The following PHF24 variants were observed in gnomAD, a reference collection of about 807,000 sequenced individuals.
PHF24 encodes the protein PHD finger protein 24.
PHF24 carries 25 observed loss-of-function variants against 42.6 expected under a neutral mutation model. The observed-to-expected ratio is 0.59, with a 90% CI of 0.43 to 0.82. The LOEUF is 0.82. PHF24 is among the 40% of genes least tolerant of loss of function. The pLI is 0.00. For synonymous variants in PHF24, 185 were observed against 204.8 expected (o/e 0.90, Z 0.83); for missense variants, 470 against 538.1 (o/e 0.87, Z 1.25).
the PHF24 span, among the ~76,000 whole-genome samples, chr9:34,851,327 C>T: frequency 1.5e-4 from 23 of 152,200 alleles, no homozygotes; most frequent in Non-Finnish European, 2.8e-4. Context: ...CCCCCAGCCT[C>T]GCTGCCACCT....
the PHF24 span, among the ~76,000 whole-genome samples, chr9:34,923,494 G>C: frequency 6.6e-6 from 1 of 152,044 alleles, no homozygotes; most frequent in Admixed American, 6.6e-5. Context: ...TTATGGCTTT[G>C]ATCTCATTAC....
At chr9:34,769,205 T>C in the PHF24 span, among the ~76,000 whole-genome samples, 2 of 152,174 alleles carry the variant, frequency 1.3e-5, no homozygotes, top group Non-Finnish European at 2.9e-5. Flanking sequence ...CAACTTCGCC[T>C]CCCAGGTTCA....
At chr9:34,668,742 A>C in the PHF24 span, among the ~76,000 whole-genome samples, 1 of 152,348 alleles carries the variant, frequency 6.6e-6, no homozygotes, top group East Asian at 1.9e-4. Flanking sequence ...ATGGGCCTCA[A>C]GATCTTTACC....
chr9:34,913,333 A>T, the PHF24 span, among the ~76,000 whole-genome samples: 1 of 152,208 alleles, frequency 6.6e-6, no homozygotes, highest in Non-Finnish European at 1.5e-5. Flanking sequence ...ACAGATATGA[A>T]ATCTCAGTGA....
At chr9:34,691,544 G>C in the PHF24 span, among the ~76,000 whole-genome samples, 1 of 152,214 alleles carries the variant, frequency 6.6e-6, no homozygotes, top group African/African-American at 2.4e-5. Flanking sequence ...CCCATTGATG[G>C]CATTTGCATC....
chr9:34,811,327 A>C, the PHF24 span, among the ~76,000 whole-genome samples: 1 of 152,208 alleles, frequency 6.6e-6, no homozygotes, highest in Non-Finnish European at 1.5e-5. Flanking sequence ...TTCTCAATGC[A>C]ACCGTGTTGA....
chr9:34,691,075 C>T, the PHF24 span: 9 of 1,598,038 alleles, frequency 5.6e-6, no homozygotes, highest in East Asian at 2.3e-5. Context: ...GACCCTGACT[C>T]TCCCTTCAGC....
chr9:34,858,903 G>T, the PHF24 span, among the ~76,000 whole-genome samples: 2 of 152,108 alleles, frequency 1.3e-5, no homozygotes, highest in Non-Finnish European at 2.9e-5. Flanking sequence ...TTGAACATTT[G>T]AAAATTCAGC....
At chr9:34,981,091 C>G (rs1827374959) in exon 8 of PHF24, 3 of 152,276 alleles carry the variant, frequency 2.0e-5, no homozygotes, top group Admixed American at 2.0e-4. Flanking sequence ...AGGGATGGAG[C>G]AGTCCCCTCA....
At chr9:34,922,350 A>G in the PHF24 span, 7 of 1,554,570 alleles carry the variant, frequency 4.5e-6, no homozygotes, top group South Asian at 4.5e-5. Context: ...TGTCTTTGCA[A>G]GAGAGCAGGC....
the PHF24 span, among the ~76,000 whole-genome samples, chr9:34,779,968 C>T: frequency 1.3e-4 from 20 of 152,048 alleles, no homozygotes; most frequent in Non-Finnish European, 2.2e-4. Flanking sequence ...TCAGGTGATC[C>T]ACCTGCCTCA....
At chr9:34,813,775 T>C in the PHF24 span, among the ~76,000 whole-genome samples, 46 of 152,320 alleles carry the variant, frequency 3.0e-4, no homozygotes, top group African/African-American at 1.0e-3. Context: ...TTTGCCATGT[T>C]CTGTTAATTA....
chr9:34,937,126 G>A, the PHF24 span, among the ~76,000 whole-genome samples: 1 of 151,930 alleles, frequency 6.6e-6, no homozygotes, highest in Non-Finnish European at 1.5e-5. Context: ...CCTCTGCCCG[G>A]CCACCACCCC....
At chr9:34,918,789 CA>C in the PHF24 span, among the ~76,000 whole-genome samples, 1 of 152,034 alleles carries the variant, frequency 6.6e-6, no homozygotes, top group Admixed American at 6.5e-5. Flanking sequence ...GGTCACTAAA[CA>C]ATTGTAGTTT....
the PHF24 span, among the ~76,000 whole-genome samples, chr9:34,684,070 C>T: frequency 6.6e-6 from 1 of 152,192 alleles, no homozygotes; most frequent in Admixed American, 6.5e-5. Context: ...TTTTAATAAA[C>T]TCCTTTTCTG....
chr9:34,931,626 C>T, the PHF24 span, among the ~76,000 whole-genome samples: 4 of 152,200 alleles, frequency 2.6e-5, no homozygotes, highest in South Asian at 4.1e-4. Context: ...GGCCCCTCCC[C>T]CTTCTTTCCC....
the PHF24 span, among the ~76,000 whole-genome samples, chr9:34,809,050 TAATA>T: frequency 8.5e-6 from 1 of 117,314 alleles, no homozygotes; most frequent in African/African-American, 3.7e-5. This position sits in a 1 kb window ranked among gnomAD's most constrained non-coding sequence, Gnocchi z 4.1. Context: ...AAAAAAAAAA[TAATA>T]AATAAATAAA....
chr9:34,916,945 C>T, the PHF24 span, among the ~76,000 whole-genome samples: 2 of 152,058 alleles, frequency 1.3e-5, no homozygotes, highest in East Asian at 1.9e-4. Context: ...GCAAATTGTT[C>T]CATAATTTTG....
At chr9:34,852,897 C>G in the PHF24 span, among the ~76,000 whole-genome samples, 6 of 152,070 alleles carry the variant, frequency 3.9e-5, no homozygotes, top group Non-Finnish European at 7.4e-5. Context: ...ACAGGTGTGC[C>G]CCACCACACC....
Sources: allele counts gnomAD v4.1 joint callset (sites outside exome capture counted in the v4.1 genomes callset), GRCh38; gene constraint gnomAD v4.1.1; non-coding constraint Gnocchi (gnomAD v3.1); transcripts MANE v1.5; gene names NCBI Gene and HGNC (gene_info 2026-07-23, HGNC 2026-07-21).